Variants in CD276 observed in about 807,000 individuals in gnomAD.
CD276 encodes the protein CD276 molecule.
In CD276, 34 loss-of-function variants were observed where a neutral mutation model predicts 50.0. The ratio of observed to expected loss-of-function variants is 0.68; its 90% CI spans 0.52 to 0.91. The LOEUF (loss-of-function observed/expected upper bound fraction) is 0.91. Ranked by LOEUF, CD276 falls within the 40% of genes least tolerant of loss-of-function variation. The pLI is 0.00. For missense variants in CD276, 634 were observed against 717.5 expected, an observed-to-expected ratio of 0.88 and a Z score of 1.33; for synonymous variants, 275 against 313.0, an observed-to-expected ratio of 0.88 and a Z score of 1.28.
chr15:73,686,660 G>A (rs1899780422), intron 1 of CD276, among the ~76,000 whole-genome samples: 1 of 152,166 alleles, frequency 6.6e-6, no homozygotes, highest in African/African-American at 2.4e-5. Context: ...GGACAATGCT[G>A]TTTGGAGTCA....
At chr15:73,689,188 CTGTGTGTGTGTGTGTGTGTG>C (rs58196751) in intron 1 of CD276, among the ~76,000 whole-genome samples, 2 of 142,626 alleles carry the variant, frequency 1.4e-5, no homozygotes, top group African/African-American at 2.6e-5. Flanking sequence ...TCTGTGCCTC[CTGTGTGTGTGTGTGTGTGTG>C]TGTGTGTGTG....
chr15:73,687,257 T>C lies in CD276; in HGVS notation c.-55+2797T>C, dbSNP rs1899807039. Among the ~76,000 whole-genome samples the C allele has an allele frequency of 6.6e-6, 1 of 152,014 alleles. No individual in the cohort carries two copies. The highest frequency in any genetic ancestry group is 2.1e-4 in the South Asian group (1 of 4,816). ...GGTTGTGCTGGAGGCTAAATAGACA[T>C]TATCTCATGTAATCCTCATAGTAAT... On this transcript the variant is annotated intron_variant, in intron 1 of 9. Coordinates refer to ENST00000318443, the MANE Select transcript of CD276 (RefSeq NM_001024736.2). The surrounding 1 kb of genome is among the most constrained non-coding windows in gnomAD (Gnocchi z 4.0).
intron 1 of CD276, chr15:73,690,827 G>A (rs1301783074): frequency 6.6e-6 from 3 of 455,448 alleles, no homozygotes; most frequent in Non-Finnish European, 8.8e-6. Flanking sequence ...CCACTGTGGT[G>A]AGGGGCAAGT....
At chr15:73,700,484 T>G (rs1199354602) in intron 2 of CD276, among the ~76,000 whole-genome samples, 4 of 152,198 alleles carry the variant, frequency 2.6e-5, no homozygotes, top group Admixed American at 2.6e-4. Flanking sequence ...CTGCTCTGAT[T>G]TCTCTAGAGC....
rs1324444247 is a variant in CD276, at chr15:73,703,986, T to A, written c.1061T>A (p.Leu354Gln). 3 of 1,609,376 alleles carry A rather than the reference T, an allele frequency of 1.9e-6. No individual in the cohort carries two copies. Among genetic ancestry groups the A allele is most frequent in the Non-Finnish European group, 2.5e-6 (3 of 1,178,600 alleles). Residue 354 changes from leucine to glutamine, a missense_variant, in exon 5 of 10, where the codon CTG (leucine) becomes CAG (glutamine). Leu to Gln is a moderately radical substitution (Grantham distance 113, BLOSUM62 -2). Coordinates refer to ENST00000318443, the MANE Select transcript of CD276 (RefSeq NM_001024736.2). The stretch of plus-strand genomic sequence containing the variant: ...GATTTCGGCAGCGCTGCCGTCAGCC[T>A]GCAGGTGGCCGGTGAGCACCAGGAG... Reference protein sequence around the residue: ...IRDFGSAAVSLQVAAPYSKPS... With the variant: ...IRDFGSAAVSQQVAAPYSKPS...
At chr15:73,710,181 T>C (rs1900836206) in intron 8 of CD276, among the ~76,000 whole-genome samples, 3 of 152,260 alleles carry the variant, frequency 2.0e-5, no homozygotes, top group South Asian at 2.1e-4. Flanking sequence ...TAGTATCATA[T>C]CTAGTGCCAA....
At chr15:73,689,975 G>A (rs142367298) in intron 1 of CD276, among the ~76,000 whole-genome samples, 340 of 152,140 alleles carry the variant, frequency 2.2e-3, no homozygotes, top group African/African-American at 7.6e-3. Flanking sequence ...TCCTTTTTTC[G>A]TTAATTGCAA....
intron 2 of CD276, among the ~76,000 whole-genome samples, chr15:73,700,446 A>T (rs772991656): frequency 6.6e-6 from 1 of 152,226 alleles, no homozygotes; most frequent in African/African-American, 2.4e-5. Flanking sequence ...TCTTGTGGCC[A>T]TAAAGAAGTG....
chr15:73,692,724 G>T (rs1355428237), intron 1 of CD276, among the ~76,000 whole-genome samples: 4 of 152,198 alleles, frequency 2.6e-5, no homozygotes, highest in Admixed American at 6.5e-5. Context: ...CATTCATATT[G>T]CATGCATGGC....
chr15:73,686,411 T>A (rs1468474549), intron 1 of CD276: 2 of 422,210 alleles, frequency 4.7e-6, no homozygotes, highest in African/African-American at 4.3e-5. Flanking sequence ...CACCACCCGA[T>A]GGAGGGTTGG....
rs1292831765 is a variant in CD276 at position 73,714,094 on chromosome 15, G to A, written c.*1138G>A. 5 of 286,862 alleles carry A rather than the reference G, an allele frequency of 1.7e-5. No homozygotes were observed. Among genetic ancestry groups the A allele is most frequent in the East Asian group, 1.7e-4 (1 of 5,984 alleles). 17.8% of individuals were successfully genotyped at this position (286,862 alleles called of 1,614,324 possible). ...CTTACCCAGAGCATGGGGTTGGGGC[G>A]GAAACCTGGAGAGAGGGACATAGCC... On this transcript the variant is annotated 3_prime_UTR_variant, in exon 10 of 10. Coordinates refer to ENST00000318443, the MANE Select transcript of CD276 (RefSeq NM_001024736.2).
At chr15:73,688,194 C>T (rs1428695607) in intron 1 of CD276, among the ~76,000 whole-genome samples, 1 of 151,890 alleles carries the variant, frequency 6.6e-6, no homozygotes, top group East Asian at 1.9e-4. Context: ...TGTGGCCTGA[C>T]AGAGGAGGTC....
chr15:73,702,734 T>C (rs1900454612), intron 3 of CD276, 38 bp from the exon 4 acceptor site: 1 of 1,592,702 alleles, frequency 6.3e-7, no homozygotes, highest in East Asian at 2.3e-5. Context: ...TCCTCTGCCA[T>C]TGCCCTGCCC....
intron 2 of CD276, among the ~76,000 whole-genome samples, chr15:73,699,955 G>A (rs534448991): frequency 1.3e-5 from 2 of 152,302 alleles, no homozygotes; most frequent in East Asian, 3.9e-4. Flanking sequence ...TGAATACACT[G>A]TGTGCGCCCC....
chr15:73,701,394 C>T (rs28704506), intron 2 of CD276, among the ~76,000 whole-genome samples: 3,229 of 152,216 alleles, frequency 0.021, 126 homozygotes, highest in African/African-American at 0.072. Flanking sequence ...TCAGATTATG[C>T]GTGATTAAAA....
chr15:73,685,116 T>G (rs1053147299), intron 1 of CD276: 1 of 134,562 alleles, frequency 7.4e-6, no homozygotes, highest in Non-Finnish European at 1.6e-5. Flanking sequence ...ACGGGGTGAA[T>G]AGGTGTTGGG....
rs80189068 is a variant in CD276 at position 73,699,831 on chromosome 15, A to T, written c.79+113A>T. ...CAAGCCAGCTCTGGCTAGCAGGGCC[A>T]TACCTTACTTCCACCTGTGGGATCC... On this transcript the variant is annotated intron_variant, in intron 2 of 9. Transcript: ENST00000318443. The T allele has an allele frequency of 1.1e-3, 1,401 of 1,260,658 alleles. 14 individuals are homozygous for T. In the African/African-American group the frequency reaches 0.019, roughly 17 times the overall value. The allele number at this position is 1,260,658 out of a possible 1,614,324, so 78.1% of individuals were successfully genotyped here.
intron 8 of CD276, among the ~76,000 whole-genome samples, chr15:73,710,084 C>T (rs1900830730): frequency 6.6e-6 from 1 of 152,186 alleles, no homozygotes; most frequent in South Asian, 2.1e-4. Context: ...GCCTCTCTGG[C>T]TTCGGTTTCC....
At chr15:73,692,341 G>A (rs1900019072) in intron 1 of CD276, among the ~76,000 whole-genome samples, 2 of 152,196 alleles carry the variant, frequency 1.3e-5, no homozygotes, top group East Asian at 3.9e-4. Flanking sequence ...TGATATATTT[G>A]TTTCCTAAAC....
Sources: gnomAD v4.1 joint callset for allele counts (sites outside exome capture counted in the v4.1 genomes callset) on GRCh38, gnomAD v4.1.1 for gene constraint, Gnocchi (gnomAD v3.1) non-coding constraint, MANE v1.5 for transcripts, NCBI Gene and HGNC (gene_info 2026-07-23, HGNC 2026-07-21) for gene names.